Variants in CPM observed in about 807,000 individuals in gnomAD.
The protein encoded by CPM is renal carboxypeptidase.
Under a neutral mutation model 46.4 loss-of-function variants are expected in CPM, and 35 were observed. That is an observed-to-expected ratio of 0.75 (90% CI 0.58 to 1.00). The LOEUF (loss-of-function observed/expected upper bound fraction) is 1.00, where lower values mean the gene tolerates loss of function less well. Among genes scored for constraint, CPM ranks in the 50% least tolerant of loss-of-function variants. The pLI is 0.00. For synonymous variants in CPM, 195 were observed against 195.3 expected, an observed-to-expected ratio of 1.00 and a Z score of 0.01; for missense variants, 422 against 530.4, an observed-to-expected ratio of 0.80 and a Z score of 2.01.
At chr12:68,915,685 G>C (rs1430738590) in intron 2 of CPM, among the ~76,000 whole-genome samples, 1 of 152,134 alleles carries the variant, frequency 6.6e-6, no homozygotes, top group African/African-American at 2.4e-5. Flanking sequence ...GTTCATAAAG[G>C]GAAAGACCTG....
intron 2 of CPM, among the ~76,000 whole-genome samples, chr12:68,905,986 G>A (rs1374954838): frequency 6.6e-6 from 1 of 152,128 alleles, no homozygotes; most frequent in Non-Finnish European, 1.5e-5. Context: ...TTGTTTCTTG[G>A]CCTTGCTGCA....
chr12:68,934,067 C>G (rs1297433136), upstream of CPM, among the ~76,000 whole-genome samples: 6 of 152,144 alleles, frequency 3.9e-5, no homozygotes, highest in Non-Finnish European at 8.8e-5. Context: ...CCCTCTACCT[C>G]TCTAAAAGAT....
At chr12:68,959,868 C>T (rs868491171) in intron 1 of CPM, among the ~76,000 whole-genome samples, 95 of 152,332 alleles carry the variant, frequency 6.2e-4, no homozygotes, top group African/African-American at 2.2e-3. Flanking sequence ...GCTATATCCC[C>T]AGGCGTCTCT....
chr12:68,898,121 T>C (rs959244936), intron 2 of CPM, among the ~76,000 whole-genome samples: 4 of 149,432 alleles, frequency 2.7e-5, no homozygotes, highest in Admixed American at 7.5e-5. Flanking sequence ...CCCAAGATGT[T>C]AGGATTACGG....
At chr12:68,931,763 A>AG (rs1555201162) in intron 2 of CPM, among the ~76,000 whole-genome samples, 14 of 132,538 alleles carry the variant, frequency 1.1e-4, no homozygotes, top group African/African-American at 3.4e-4. Flanking sequence ...AAAAAAAAAA[A>AG]AAAGAAAGAA....
chr12:68,950,115 G>A (rs1271062046), intron 1 of CPM, among the ~76,000 whole-genome samples: 1 of 152,172 alleles, frequency 6.6e-6, no homozygotes, highest in Non-Finnish European at 1.5e-5. Context: ...TTGACTAAGA[G>A]TGGAGGCAGG....
intron 1 of CPM, among the ~76,000 whole-genome samples, chr12:68,958,190 C>G (rs375521818): frequency 5.3e-4 from 80 of 152,204 alleles, no homozygotes; most frequent in African/African-American, 1.9e-3. Context: ...GATTTATAAT[C>G]CTTTGGATAT....
At chr12:68,870,451 A>T in intron 4 of CPM, 52 bp from the exon 5 acceptor site, 1 of 1,503,630 alleles carries the variant, frequency 6.7e-7, no homozygotes, top group Non-Finnish European at 9.1e-7. Flanking sequence ...GAGGGAGTGG[A>T]TTCTTACAGT....
At position 68,845,614 on chromosome 12, in the gene CPM, A is replaced by G. The variant is rs575672176; in HGVS notation, c.534-3285T>C. On this transcript the variant is annotated intron_variant, in intron 5 of 5. Coordinates refer to the CPM transcript ENST00000551897. The stretch of plus-strand genomic sequence containing the variant: ...TTTCCTTTAAAGCTCTCCTTTAAAG[A>G]CTTTAAAAAAAATTCGATAGGCATT... 2.2e-5 allele frequency: 4 copies of G among 178,102 alleles called. No homozygotes were observed. In the South Asian group the frequency reaches 7.9e-4, roughly 35 times the overall value. 11.0% of individuals were successfully genotyped at this position (178,102 alleles called of 1,614,324 possible). A position where few individuals can be genotyped will look rare whatever the true frequency, so the allele number is the denominator to read the frequency against.
At chr12:68,958,831 C>G (rs1889067523) in intron 1 of CPM, among the ~76,000 whole-genome samples, 1 of 152,212 alleles carries the variant, frequency 6.6e-6, no homozygotes, top group South Asian at 2.1e-4. Context: ...TGCCTCTCAT[C>G]CCTTGGTAAC....
intron 6 of CPM, among the ~76,000 whole-genome samples, chr12:68,868,029 G>A (rs1200291109): frequency 1.3e-5 from 2 of 152,140 alleles, no homozygotes; most frequent in African/African-American, 4.8e-5. Flanking sequence ...TGTCTGAGAA[G>A]GATACACAGC....
At chr12:68,864,534 C>T (rs1459088878) in intron 7 of CPM, among the ~76,000 whole-genome samples, 2 of 152,192 alleles carry the variant, frequency 1.3e-5, no homozygotes, top group African/African-American at 4.8e-5. Flanking sequence ...ATTTATATTG[C>T]CCTTTCCCTG....
intron 7 of CPM, among the ~76,000 whole-genome samples, chr12:68,860,601 G>A (rs1034489872): frequency 1.3e-5 from 2 of 151,922 alleles, no homozygotes; most frequent in Admixed American, 6.6e-5. Flanking sequence ...AGCTTCAATG[G>A]CATTATTTTG....
intron 1 of CPM, among the ~76,000 whole-genome samples, chr12:68,952,579 C>T (rs551787457): frequency 1.3e-5 from 2 of 152,344 alleles, no homozygotes; most frequent in Admixed American, 6.5e-5. Flanking sequence ...AGGCCCCACA[C>T]CTATGAAGCT....
intron 1 of CPM, among the ~76,000 whole-genome samples, chr12:68,943,468 T>C (rs990223516): frequency 2.0e-5 from 3 of 152,228 alleles, no homozygotes; most frequent in Admixed American, 6.5e-5. Flanking sequence ...ATATTTATCT[T>C]ATTTATTTCC....
chr12:68,943,484 C>T (rs542206961), intron 1 of CPM, among the ~76,000 whole-genome samples: 1 of 152,154 alleles, frequency 6.6e-6, no homozygotes, highest in Admixed American at 6.5e-5. Flanking sequence ...TTTCCACATC[C>T]CAGCTCCTTC....
intron 2 of CPM, among the ~76,000 whole-genome samples, chr12:68,905,280 C>T (rs985152521): frequency 2.1e-4 from 31 of 149,878 alleles, no homozygotes; most frequent in East Asian, 3.9e-4. Context: ...CTTTTTTTTT[C>T]TCTCTCTCTC....
chr12:68,935,053 G>T (rs1353453177), upstream of CPM, among the ~76,000 whole-genome samples: 9 of 152,130 alleles, frequency 5.9e-5, no homozygotes, highest in East Asian at 1.7e-3. Context: ...CGGATTACAG[G>T]CACCTGCCAC....
At chr12:68,920,693 CT>C (rs11391172) in intron 2 of CPM, among the ~76,000 whole-genome samples, 1 of 131,810 alleles carries the variant, frequency 7.6e-6, no homozygotes, top group African/African-American at 3.0e-5. Flanking sequence ...TTTTCTTTTT[CT>C]TTTTCTTTTT....
Sources: allele counts gnomAD v4.1 joint callset (sites outside exome capture counted in the v4.1 genomes callset), GRCh38; gene constraint gnomAD v4.1.1; transcripts MANE v1.5; gene names NCBI Gene and HGNC (gene_info 2026-07-23, HGNC 2026-07-21).